Variants in PPP6R1 observed in about 807,000 individuals in gnomAD.
PPP6R1 encodes protein phosphatase 6 regulatory subunit 1.
In PPP6R1, 39 loss-of-function variants were observed where a neutral mutation model predicts 104.6. The observed-to-expected ratio is 0.37, with a 90% CI of 0.29 to 0.49. The LOEUF is 0.49. Ranked by LOEUF, PPP6R1 falls within the 20% of genes least tolerant of loss-of-function variation. The pLI, the probability that PPP6R1 is intolerant of heterozygous loss-of-function variation, is 0.98. For missense variants in PPP6R1, 1,181 were observed against 1,155.8 expected (o/e 1.02, Z -0.32); for synonymous variants, 549 against 479.0 (o/e 1.15, Z -1.91).
In PPP6R1 at chr19:55,241,384, G is replaced by A. The variant is rs754950594; in HGVS notation, c.1016C>T (p.Pro339Leu). ...QLLLEPPKLE[P>L]LQMTWGMLAP... The stretch of plus-strand genomic sequence containing the variant: ...CAGCATGCCCCATGTCATCTGTAGC[G>A]GCTCCAGCTGCAGACACAGGGAGGC... The change falls in exon 9 of 24, where the codon CCG becomes CTG. Residue 339 changes from proline to leucine, a missense_variant. By Grantham distance (98) the Pro-to-Leu change is moderately conservative (BLOSUM62 -3). Coordinates refer to ENST00000412770, the MANE Select transcript of PPP6R1 (RefSeq NM_014931.4). This position sits in a 1 kb window ranked among gnomAD's most constrained non-coding sequence, Gnocchi z 5.4. 2.9e-5 allele frequency: 46 copies of A among 1,607,710 alleles called. No individual in the cohort carries two copies. Among genetic ancestry groups the A allele is most frequent in the African/African-American group, 5.3e-5 (4 of 74,836 alleles).
chr19:55,242,122 C>CTGGGGATGGGCAGCATGCA, intron 7 of PPP6R1, 44 bp downstream of exon 7: 2 of 1,568,788 alleles, frequency 1.3e-6, no homozygotes, highest in Non-Finnish European at 8.7e-7. Context: ...CGGAGAGCCC[C>CTGGGGATGGGCAGCATGCA]TGGGGATGGG....
chr19:55,234,605 C>A (rs1332906091), intron 17 of PPP6R1, among the ~76,000 whole-genome samples: 2 of 152,216 alleles, frequency 1.3e-5, no homozygotes, highest in Non-Finnish European at 2.9e-5. Flanking sequence ...CAGTGACACA[C>A]TTGTGCACCA....
At chr19:55,252,801 G>A (rs1448570503) in intron 1 of PPP6R1, among the ~76,000 whole-genome samples, 1 of 152,086 alleles carries the variant, frequency 6.6e-6, no homozygotes, top group Non-Finnish European at 1.5e-5. Flanking sequence ...GCCTCCCAAA[G>A]TGCTGGGCTT....
At chr19:55,231,723 A>G (rs2122514528) in intron 19 of PPP6R1, 55 bp from the exon 20 acceptor site, 1 of 1,523,374 alleles carries the variant, frequency 6.6e-7, no homozygotes, top group South Asian at 1.3e-5. Context: ...ACTCGAGCCT[A>G]TGAGAGGACG....
intron 17 of PPP6R1, 44 bp downstream of exon 17, chr19:55,236,599 C>G (rs749469593): frequency 2.0e-6 from 3 of 1,474,450 alleles, no homozygotes; most frequent in Non-Finnish European, 2.7e-6. Context: ...TTGGCCCTGC[C>G]GTGTGGTGGA....
chr19:55,228,241 C>G (rs1221691208), downstream of PPP6R1: 2 of 1,612,396 alleles, frequency 1.2e-6, no homozygotes, highest in Non-Finnish European at 1.7e-6. Flanking sequence ...CACAGCCGAG[C>G]ACACAAGGGC....
chr19:55,248,449 G>A (rs889843472), intron 1 of PPP6R1, among the ~76,000 whole-genome samples: 1 of 152,242 alleles, frequency 6.6e-6, no homozygotes, highest in African/African-American at 2.4e-5. Context: ...ACCAGCTAAG[G>A]CAGAGGCCAC....
intron 1 of PPP6R1, among the ~76,000 whole-genome samples, chr19:55,249,759 T>C (rs1392077712): frequency 6.6e-6 from 1 of 152,010 alleles, no homozygotes; most frequent in African/African-American, 2.4e-5. Context: ...GAGAACTGCC[T>C]GAACCCGGGA....
intron 17 of PPP6R1, among the ~76,000 whole-genome samples, chr19:55,235,408 C>T (rs1009414813): frequency 2.0e-5 from 3 of 151,776 alleles, no homozygotes; most frequent in Admixed American, 6.6e-5. Context: ...GACAGGGAGG[C>T]GGGAAGAGAG....
rs1444471278 is a variant in PPP6R1 at position 55,231,840 on chromosome 19, G to A, written c.2268C>T (p.Ser756=). The A allele has an allele frequency of 6.6e-7, 1 of 1,504,124 alleles. No individual in the cohort carries two copies. The highest frequency in any genetic ancestry group is 8.9e-7 in the Non-Finnish European group (1 of 1,127,432). The allele number at this position is 1,504,124 out of a possible 1,614,324, so 93.2% of individuals were successfully genotyped here. Residue 756 remains serine, a synonymous_variant, in exon 19 of 24, where the codon AGC becomes AGT. Coordinates refer to ENST00000412770, the MANE Select transcript of PPP6R1 (RefSeq NM_014931.4). The part of the protein sequence containing the change: ...LSVPQGLPTQ[S]LASPPARDAL... ...CGTCACGGGCAGGAGGGCTGGCCAG[G>A]CTCTGAGTGGGGAGGCCCTGGGGCA...
intron 1 of PPP6R1, among the ~76,000 whole-genome samples, chr19:55,253,677 C>T (rs1242150893): frequency 6.6e-6 from 1 of 152,202 alleles, no homozygotes; most frequent in Non-Finnish European, 1.5e-5. Context: ...AGGCTCTAAA[C>T]AGAATGAAGA....
intron 1 of PPP6R1, among the ~76,000 whole-genome samples, chr19:55,249,579 G>A (rs1360753283): frequency 1.3e-5 from 2 of 151,976 alleles, no homozygotes; most frequent in Non-Finnish European, 2.9e-5. Context: ...GGTGGCTCAC[G>A]CCTATAATCC....
intron 6 of PPP6R1, 40 bp downstream of exon 6, chr19:55,242,336 A>G (rs373110920): frequency 1.9e-4 from 307 of 1,612,312 alleles, no homozygotes; most frequent in Non-Finnish European, 2.3e-4. Flanking sequence ...GGCTTCCCCA[A>G]GTCAGCTCCC....
At chr19:55,247,154 A>T in intron 1 of PPP6R1, 45 bp from the exon 2 acceptor site, 1 of 1,580,418 alleles carries the variant, frequency 6.3e-7, no homozygotes, top group Non-Finnish European at 8.6e-7. Flanking sequence ...CGCCCCAGGG[A>T]GTCCCCACTG....
intron 10 of PPP6R1, among the ~76,000 whole-genome samples, chr19:55,240,514 T>TACACAC (rs777717878): frequency 0.029 from 3,891 of 135,966 alleles, 80 homozygotes; most frequent in Admixed American, 0.049. Context: ...ATGTGGTGCA[T>TACACAC]ACACACACAC....
intron 5 of PPP6R1, 117 bp from the exon 6 acceptor site, chr19:55,242,605 A>G (rs143580001): frequency 2.4e-6 from 2 of 820,874 alleles, no homozygotes; most frequent in Non-Finnish European, 2.1e-6. Context: ...ACCCAGACAC[A>G]GGGACACGTG....
rs1358442608 is a variant in PPP6R1, at chr19:55,240,114, C to T, written c.1362G>A (p.Gln454=). The T allele has an allele frequency of 2.5e-6, 4 of 1,578,298 alleles. No homozygotes were observed. The highest frequency in any genetic ancestry group is 3.4e-6 in the Non-Finnish European group (4 of 1,162,764). ...LTSWEENDRV[Q]CAGGPRKGYM... ...AGCCTTTCCGAGGGCCTCCCGCACACCTGGCAAGAGTGAAGGCCGCGGCTG... is the reference window on the plus strand; with the variant it reads ...AGCCTTTCCGAGGGCCTCCCGCACATCTGGCAAGAGTGAAGGCCGCGGCTG... Residue 454 remains glutamine, a splice_region_variant and synonymous_variant, in exon 12 of 24, where the codon CAG becomes CAA. Transcript: ENST00000412770.
rs1568946864 is a variant in PPP6R1, at chr19:55,241,289, C to T, written c.1111G>A (p.Ala371Thr). Residue 371 changes from alanine to threonine, a missense_variant, in exon 9 of 24, where the codon GCA becomes ACA. Transcript: ENST00000412770. The surrounding 1 kb of genome is among the most constrained non-coding windows in gnomAD (Gnocchi z 5.4). ...GCCAGGAGCTCGTGCGTCAGGGCTG[C>T]ATCATTGGCGCTCAGGGCACTGGCC... is the stretch of plus-strand genomic sequence containing the variant. ...LLASALSAND[A>T]ALTHELLALD... The T allele has an allele frequency of 1.9e-6, 3 of 1,610,996 alleles. No individual in the cohort carries two copies. The highest frequency in any genetic ancestry group is 2.5e-6 in the Non-Finnish European group (3 of 1,179,544).
rs558852474 is a variant in PPP6R1 at position 55,245,250 on chromosome 19, G to A, written c.552+15C>T. 6.3e-7 allele frequency: 1 copy of A among 1,596,816 alleles called. No homozygotes were observed. Among genetic ancestry groups the A allele is most frequent in the African/African-American group, 1.3e-5 (1 of 74,772 alleles). ...CGCCCAGCCCCCCACCCCCAGAGGA[G>A]CCGGCCCTGCTCACATTGACAACAT... On this transcript the variant is annotated intron_variant, in intron 4 of 23. Transcript: ENST00000412770. This position sits in a 1 kb window ranked among gnomAD's most constrained non-coding sequence, Gnocchi z 6.4.
Sources: allele counts gnomAD v4.1 joint callset (sites outside exome capture counted in the v4.1 genomes callset), GRCh38; gene constraint gnomAD v4.1.1; non-coding constraint Gnocchi (gnomAD v3.1); transcripts MANE v1.5; gene names NCBI Gene and HGNC (gene_info 2026-07-23, HGNC 2026-07-21).